The following ZNF808 variants were observed in gnomAD, a reference collection of about 807,000 sequenced individuals.
ZNF808 encodes zinc finger protein 808.
A neutral mutation model predicts 8.7 loss-of-function variants in ZNF808; 5 were observed. That is an observed-to-expected ratio of 0.58 (90% CI 0.30 to 1.21). ZNF808 has a LOEUF of 1.21. ZNF808 is among the 50% of genes most tolerant of loss of function. The probability of loss-of-function intolerance (pLI) is 0.07; values close to 1 mark genes in which losing one functional copy is unlikely to be tolerated. For synonymous variants in ZNF808, 380 were observed against 366.0 expected, an observed-to-expected ratio of 1.04 and a Z score of -0.44; for missense variants, 1,103 against 1,098.4, an observed-to-expected ratio of 1.00 and a Z score of -0.06.
chr19:52,528,637 G>A (rs1400923002), intron 1 of ZNF808, among the ~76,000 whole-genome samples: 3 of 152,104 alleles, frequency 2.0e-5, no homozygotes, highest in African/African-American at 7.2e-5. Context: ...TCAGAGTGAG[G>A]GAGAGAGGGA....
At chr19:52,528,699 A>G (rs1482975371) in intron 1 of ZNF808, among the ~76,000 whole-genome samples, 5 of 151,796 alleles carry the variant, frequency 3.3e-5, no homozygotes, top group African/African-American at 1.2e-4. Context: ...GTCAAGGAGA[A>G]CCGAGGGAGA....
At chr19:52,553,019 G>C in intron 4 of ZNF808, 88 bp from the exon 5 acceptor site, 1 of 1,414,470 alleles carries the variant, frequency 7.1e-7, no homozygotes, top group Non-Finnish European at 9.3e-7. Context: ...TTCAAAATAA[G>C]TATTGTTTTT....
At chr19:52,529,689 C>T (rs1331532175) in intron 1 of ZNF808, among the ~76,000 whole-genome samples, 1 of 151,950 alleles carries the variant, frequency 6.6e-6, no homozygotes, top group East Asian at 1.9e-4. Flanking sequence ...GGAAAAAAGT[C>T]GCTGTCTGTT....
intron 4 of ZNF808, among the ~76,000 whole-genome samples, chr19:52,551,763 G>A (rs1174637044): frequency 2.0e-5 from 3 of 152,056 alleles, no homozygotes; most frequent in Non-Finnish European, 2.9e-5. Context: ...AGAAATTTGG[G>A]AGGTCAAGGG....
At chr19:52,559,151 G>GGCAT (rs2059848528), downstream of ZNF808, among the ~76,000 whole-genome samples, 4 of 152,068 alleles carry the variant, frequency 2.6e-5, no homozygotes, top group Admixed American at 1.3e-4. Context: ...AAAAGAGGAA[G>GGCAT]GCCTCTTTGC....
chr19:52,544,608 T>G (rs2059703665), intron 3 of ZNF808, among the ~76,000 whole-genome samples: 1 of 152,138 alleles, frequency 6.6e-6, no homozygotes, highest in African/African-American at 2.4e-5. Context: ...AGGTTAAAGG[T>G]GCACACCACC....
intron 3 of ZNF808, among the ~76,000 whole-genome samples, chr19:52,562,203 C>A (rs2123228485): frequency 6.6e-6 from 1 of 152,150 alleles, no homozygotes; most frequent in East Asian, 1.9e-4. Flanking sequence ...CATGGTGAAA[C>A]CCTTTCCCTA....
chr19:52,552,523 G>A (rs1416795048), intron 4 of ZNF808, among the ~76,000 whole-genome samples: 1 of 149,122 alleles, frequency 6.7e-6, no homozygotes, highest in Non-Finnish European at 1.5e-5. Flanking sequence ...AGTGATTCTT[G>A]TGCCTCAGCC....
At chr19:52,563,722 A>C (rs995761783) in exon 4 of ZNF808, 1 of 155,660 alleles carries the variant, frequency 6.4e-6, no homozygotes, top group African/African-American at 2.4e-5. Flanking sequence ...TCAGTTTTAC[A>C]GAAAAAAAGT....
chr19:52,536,614 G>GA (rs1029166980), intron 2 of ZNF808, among the ~76,000 whole-genome samples: 22 of 152,274 alleles, frequency 1.4e-4, no homozygotes, highest in Middle Eastern at 3.4e-3. Flanking sequence ...ATGACACCGG[G>GA]TATTCTTGCC....
At chr19:52,533,843 C>CAAAAA (rs919374020) in intron 2 of ZNF808, among the ~76,000 whole-genome samples, 349 of 30,722 alleles carry the variant, frequency 0.011, 10 homozygotes, top group East Asian at 0.018. Context: ...ACTCCGTCTC[C>CAAAAA]AAAAAAAAAA....
At chr19:52,532,683 GT>G (rs1213928135) in intron 1 of ZNF808, among the ~76,000 whole-genome samples, 3 of 152,104 alleles carry the variant, frequency 2.0e-5, no homozygotes, top group African/African-American at 7.2e-5. Context: ...CCCTGTCAGC[GT>G]TTTGTCATAT....
intron 2 of ZNF808, among the ~76,000 whole-genome samples, chr19:52,539,547 G>GTT (rs2059649076): frequency 1.1e-4 from 8 of 73,362 alleles, no homozygotes; most frequent in African/African-American, 4.7e-4. Flanking sequence ...TTGTTGTGGT[G>GTT]GTTTTTTTTT....
At chr19:52,558,635 G>T (rs1262923560), downstream of ZNF808, among the ~76,000 whole-genome samples, 1 of 152,176 alleles carries the variant, frequency 6.6e-6, no homozygotes, top group African/African-American at 2.4e-5. Context: ...CTCCCAAAGT[G>T]CTGGGATTAC....
intron 4 of ZNF808, 66 bp downstream of exon 4, chr19:52,547,704 G>C: frequency 3.4e-6 from 5 of 1,452,812 alleles, no homozygotes; most frequent in African/African-American, 3.1e-5. Flanking sequence ...TCCTGGTTTT[G>C]TATTCTCTTT....
At position 52,554,200 on chromosome 19, in the gene ZNF808, A is replaced by G. The variant is rs1434588407; in HGVS notation, c.1284A>G (p.Lys428=). Residue 428 remains lysine (K), a synonymous_variant, in exon 5 of 5, where the codon AAA becomes AAG. Transcript: ENST00000359798. ...HILHTGEKPY[K]CEECDKVFSQ... ...TTCATACTGGAGAGAAACCTTACAA[A>G]TGTGAAGAATGTGACAAAGTTTTCA... 6.8e-6 allele frequency: 11 copies of G among 1,613,698 alleles called. No homozygotes were observed. Among genetic ancestry groups the G allele is most frequent in the Non-Finnish European group, 9.3e-6 (11 of 1,179,718 alleles).
chr19:52,557,009 G>T (rs1413230697), downstream of ZNF808, among the ~76,000 whole-genome samples: 1 of 152,056 alleles, frequency 6.6e-6, no homozygotes, highest in African/African-American at 2.4e-5. Flanking sequence ...GTCTCGCTCT[G>T]TCGCCTTGGA....
chr19:52,534,957 C>A (rs1305407596), intron 2 of ZNF808, among the ~76,000 whole-genome samples: 1 of 151,246 alleles, frequency 6.6e-6, no homozygotes, highest in Non-Finnish European at 1.5e-5. Context: ...TGTGCTGGGA[C>A]AACTAACTGG....
intron 3 of ZNF808, among the ~76,000 whole-genome samples, chr19:52,544,932 C>T (rs925865222): frequency 1.3e-5 from 2 of 152,114 alleles, no homozygotes; most frequent in African/African-American, 2.4e-5. Flanking sequence ...TACAGGCATT[C>T]GCTGTCACGC....
Sources: gnomAD v4.1 joint callset for allele counts (sites outside exome capture counted in the v4.1 genomes callset) on GRCh38, gnomAD v4.1.1 for gene constraint, MANE v1.5 for transcripts, NCBI Gene and HGNC (gene_info 2026-07-23, HGNC 2026-07-21) for gene names.